Variants in SAMD12 observed in about 807,000 individuals in gnomAD.
SAMD12 encodes sterile alpha motif domain-containing protein 12.
SAMD12 carries 9 observed loss-of-function variants against 15.0 expected under a neutral mutation model. The ratio of observed to expected loss-of-function variants is 0.60; its 90% CI spans 0.36 to 1.05. The LOEUF is 1.05. SAMD12 is among the 50% of genes least tolerant of loss of function. The probability of loss-of-function intolerance (pLI) is 0.01; values close to 1 mark genes in which losing one functional copy is unlikely to be tolerated. For synonymous variants in SAMD12, 86 were observed against 90.1 expected, an observed-to-expected ratio of 0.96 and a Z score of 0.25; for missense variants, 230 against 234.2, an observed-to-expected ratio of 0.98 and a Z score of 0.12.
At chr8:118,584,385 C>T (rs1490759709) in intron 1 of SAMD12, among the ~76,000 whole-genome samples, 9 of 152,144 alleles carry the variant, frequency 5.9e-5, no homozygotes, top group African/African-American at 2.2e-4. Flanking sequence ...CTTTTGATTT[C>T]TCTTTTTTGT....
chr8:118,502,964 G>A (rs1017842051), intron 2 of SAMD12, among the ~76,000 whole-genome samples: 4 of 152,148 alleles, frequency 2.6e-5, no homozygotes, highest in Non-Finnish European at 5.9e-5. Flanking sequence ...CAATACATTT[G>A]CCAGAAAAAG....
the SAMD12 span, among the ~76,000 whole-genome samples, chr8:118,180,773 A>G: frequency 5.6e-3 from 849 of 152,164 alleles, 6 homozygotes; most frequent in Middle Eastern, 0.01. Context: ...AGTTGCCCAG[A>G]CTTGCTCAAA....
At chr8:118,550,945 A>C (rs1201178503) in intron 2 of SAMD12, among the ~76,000 whole-genome samples, 2 of 151,164 alleles carry the variant, frequency 1.3e-5, no homozygotes, top group Non-Finnish European at 2.9e-5. Flanking sequence ...CCATTACATA[A>C]TGGTAAAGGG....
intron 3 of SAMD12, among the ~76,000 whole-genome samples, chr8:118,410,927 A>T (rs977169901): frequency 1.5e-4 from 23 of 152,228 alleles, no homozygotes; most frequent in African/African-American, 5.5e-4. Context: ...AGGTGGCATT[A>T]ACTTCGACAT....
At chr8:118,422,861 A>G (rs958550826) in intron 3 of SAMD12, among the ~76,000 whole-genome samples, 1 of 152,154 alleles carries the variant, frequency 6.6e-6, no homozygotes, top group African/African-American at 2.4e-5. Context: ...CTGAAGACCC[A>G]GAGGAGAAAC....
At chr8:118,292,445 C>G (rs532861023) in intron 4 of SAMD12, among the ~76,000 whole-genome samples, 1 of 149,716 alleles carries the variant, frequency 6.7e-6, no homozygotes, top group Admixed American at 6.7e-5. Flanking sequence ...ATAATAATAG[C>G]TACCTCTATT....
chr8:118,204,776 AT>A (rs1302761983), intron 4 of SAMD12, among the ~76,000 whole-genome samples: 19 of 152,178 alleles, frequency 1.2e-4, no homozygotes, highest in Admixed American at 6.5e-5. Context: ...AAAGAAAAAA[AT>A]ATAATAAAAG....
intron 3 of SAMD12, among the ~76,000 whole-genome samples, chr8:118,409,518 A>G (rs1321354634): frequency 6.6e-6 from 1 of 151,624 alleles, no homozygotes; most frequent in Non-Finnish European, 1.5e-5. Context: ...ATGATTCATT[A>G]GGATATGACA....
At chr8:118,407,902 A>G (rs548679327) in intron 3 of SAMD12, among the ~76,000 whole-genome samples, 1 of 152,196 alleles carries the variant, frequency 6.6e-6, no homozygotes, top group African/African-American at 2.4e-5. Context: ...AAATGAACCT[A>G]CTATCTTACT....
At chr8:118,465,128 C>T (rs900086136) in intron 2 of SAMD12, among the ~76,000 whole-genome samples, 1 of 152,150 alleles carries the variant, frequency 6.6e-6, no homozygotes, top group African/African-American at 2.4e-5. Flanking sequence ...ATACCCCAAT[C>T]TTAAAATATA....
chr8:118,553,130 C>A (rs965821263), intron 2 of SAMD12, among the ~76,000 whole-genome samples: 13 of 151,508 alleles, frequency 8.6e-5, no homozygotes, highest in Middle Eastern at 6.4e-3. Context: ...AGATTCAATG[C>A]CATCCCCATC....
intron 1 of SAMD12, among the ~76,000 whole-genome samples, chr8:118,588,892 A>AAATTTG (rs1174459923): frequency 6.6e-6 from 1 of 152,240 alleles, no homozygotes; most frequent in African/African-American, 2.4e-5. Context: ...ATGAGGAGAC[A>AAATTTG]GAATATGATT....
chr8:118,475,831 CAGG>C (rs552404682), intron 2 of SAMD12, among the ~76,000 whole-genome samples: 187 of 152,226 alleles, frequency 1.2e-3, no homozygotes, highest in African/African-American at 4.0e-3. Flanking sequence ...TCCTTCTTTG[CAGG>C]AGAAGCAGAT....
intron 2 of SAMD12, among the ~76,000 whole-genome samples, chr8:118,514,711 G>A (rs1434509779): frequency 6.6e-6 from 1 of 152,228 alleles, no homozygotes; most frequent in East Asian, 1.9e-4. Flanking sequence ...GCATGGACAA[G>A]TGGTGGTTAA....
chr8:118,256,163 G>A (rs912414589), intron 4 of SAMD12, among the ~76,000 whole-genome samples: 1 of 152,104 alleles, frequency 6.6e-6, no homozygotes, highest in South Asian at 2.1e-4. Flanking sequence ...CTTTTGAGAA[G>A]TGTCTGTTCA....
chr8:118,425,833 G>A (rs1822216026), intron 3 of SAMD12, among the ~76,000 whole-genome samples: 1 of 152,178 alleles, frequency 6.6e-6, no homozygotes, highest in African/African-American at 2.4e-5. Flanking sequence ...CTCATGAAAA[G>A]AGTGTCTTGT....
chr8:118,325,739 CT>C (rs1816535288), intron 4 of SAMD12, among the ~76,000 whole-genome samples: 1 of 152,206 alleles, frequency 6.6e-6, no homozygotes, highest in African/African-American at 2.4e-5. Context: ...CCCCAGGCCC[CT>C]GGCAACCTAA....
intron 2 of SAMD12, among the ~76,000 whole-genome samples, chr8:118,552,794 C>G (rs544460555): frequency 6.6e-6 from 1 of 152,076 alleles, no homozygotes; most frequent in African/African-American, 2.4e-5. Context: ...ATTGTCTCAG[C>G]CCAAAATCTC....
intron 2 of SAMD12, among the ~76,000 whole-genome samples, chr8:118,462,657 G>A (rs1038964037): frequency 1.3e-5 from 2 of 152,118 alleles, no homozygotes; most frequent in East Asian, 1.9e-4. Flanking sequence ...GCAAGCAAGC[G>A]AACCTGACAC....
Sources: allele counts gnomAD v4.1 joint callset (sites outside exome capture counted in the v4.1 genomes callset), GRCh38; gene constraint gnomAD v4.1.1; transcripts MANE v1.5; gene names NCBI Gene and HGNC (gene_info 2026-07-23, HGNC 2026-07-21).